Variants in VPS13C observed in about 807,000 individuals in gnomAD.
The protein encoded by VPS13C is intermembrane lipid transfer protein VPS13C.
A neutral mutation model predicts 456.8 loss-of-function variants in VPS13C; 358 were observed. The observed-to-expected ratio is 0.78, with a 90% confidence interval of 0.72 to 0.86. The LOEUF (loss-of-function observed/expected upper bound fraction) is 0.86, where lower values mean the gene tolerates loss of function less well. Ranked by LOEUF, VPS13C falls within the 40% of genes least tolerant of loss-of-function variation. The pLI, the probability that VPS13C is intolerant of heterozygous loss-of-function variation, is 0.00. For synonymous variants in VPS13C, 1,578 were observed against 1,486.7 expected (o/e 1.06, Z -1.41); for missense variants, 4,818 against 4,385.4 (o/e 1.10, Z -2.79).
At chr15:61,883,646 A>G (rs1219226290) in intron 68 of VPS13C, among the ~76,000 whole-genome samples, 3 of 152,098 alleles carry the variant, frequency 2.0e-5, no homozygotes, top group African/African-American at 7.2e-5. Context: ...GTGGATGCCT[A>G]CTCAGGTCCA....
intron 53 of VPS13C, 106 bp from the exon 54 acceptor site, chr15:61,922,868 T>A (rs140232275): frequency 0.026 from 22,894 of 897,540 alleles, 412 homozygotes; most frequent in East Asian, 0.1. Flanking sequence ...GTGACATTTT[T>A]AAATTAAATT....
chr15:62,043,915 G>A (rs1014787494), intron 2 of VPS13C, among the ~76,000 whole-genome samples: 5 of 151,990 alleles, frequency 3.3e-5, no homozygotes, highest in African/African-American at 9.7e-5. Context: ...TCAAAAATAC[G>A]TAAAGACACT....
intron 81 of VPS13C, chr15:61,865,635 T>C (rs2140856555): frequency 2.4e-6 from 1 of 419,768 alleles, no homozygotes; most frequent in East Asian, 1.6e-4. Flanking sequence ...CATATGGGTA[T>C]ATTTGTATGT....
intron 73 of VPS13C, 131 bp downstream of exon 73, chr15:61,880,478 A>T: frequency 1.7e-6 from 1 of 582,220 alleles, no homozygotes; most frequent in Non-Finnish European, 2.9e-6. Context: ...TGTCTTAATT[A>T]TTTCGATTAA....
At chr15:61,907,143 T>C in intron 66 of VPS13C, 121 bp downstream of exon 66, 1 of 1,483,562 alleles carries the variant, frequency 6.7e-7, no homozygotes, top group Admixed American at 1.7e-5. Context: ...AAAGCTACTT[T>C]TTCTGGAAAT....
At chr15:61,994,288 C>A (rs1391179270) in intron 16 of VPS13C, among the ~76,000 whole-genome samples, 1 of 152,140 alleles carries the variant, frequency 6.6e-6, no homozygotes. Flanking sequence ...GTAGCTGGTA[C>A]TAAGAATACA....
chr15:62,003,674 A>T (rs1282430501), intron 15 of VPS13C, among the ~76,000 whole-genome samples: 1 of 151,680 alleles, frequency 6.6e-6, no homozygotes. Context: ...AATAGCTCTT[A>T]TTATTTTGAG....
At position 61,973,513 on chromosome 15, in the gene VPS13C, A is replaced by G. The variant is rs1233276405; in HGVS notation, c.2558T>C (p.Ile853Thr). The change falls in exon 26 of 85, where the codon ATT becomes ACT. Residue 853 changes from isoleucine to threonine, a missense_variant. Coordinates refer to ENST00000644861, the MANE Select transcript of VPS13C (RefSeq NM_020821.3). ...AAGTAGACCTTTTGTACCACCTGAA[A>G]TAATAGGAATTGAGGATACCTAGCA... ...PERQVSSIPI[I>T]SGGTKGLLGT... 4 of 1,612,580 alleles carry G rather than the reference A, an allele frequency of 2.5e-6. No homozygotes were observed. The highest frequency in any genetic ancestry group is 1.7e-5 in the Admixed American group (1 of 59,980).
At position 61,941,830 on chromosome 15, in the gene VPS13C, C is replaced by T. The variant is rs150132757; in HGVS notation, c.5386G>A (p.Glu1796Lys). 1 of 1,613,726 alleles carries T rather than the reference C, an allele frequency of 6.2e-7. No homozygotes were observed. Among genetic ancestry groups the T allele is most frequent in the African/African-American group, 1.3e-5 (1 of 74,920 alleles). ...VENKFSLVPMEHYSLPPVIDK... is the reference protein window; with the variant it reads ...VENKFSLVPMKHYSLPPVIDK... ...ATGACTGGAGGAAGAGAATAATGTTCCATAGGAACCAAGCTAAACTTGTTT... is the reference window on the plus strand; with the variant it reads ...ATGACTGGAGGAAGAGAATAATGTTTCATAGGAACCAAGCTAAACTTGTTT... The change falls in exon 46 of 85, where the codon GAA (glutamate) becomes AAA (lysine). Residue 1796 changes from glutamate (E) to lysine (K), a missense_variant. Coordinates refer to ENST00000644861, the MANE Select transcript of VPS13C (RefSeq NM_020821.3).
At chr15:61,934,172 A>T in intron 49 of VPS13C, 47 bp downstream of exon 49, 1 of 1,322,274 alleles carries the variant, frequency 7.6e-7, no homozygotes, top group Non-Finnish European at 1.0e-6. Context: ...AAAACTGACT[A>T]TCAAGAGCTA....
intron 28 of VPS13C, among the ~76,000 whole-genome samples, chr15:61,968,345 T>C (rs1004481217): frequency 6.6e-6 from 1 of 152,034 alleles, no homozygotes; most frequent in African/African-American, 2.4e-5. Flanking sequence ...AACAACTCTT[T>C]TACATTTACA....
rs1248986856 is a variant in VPS13C, at chr15:61,983,822, C to T, written c.1912G>A (p.Ala638Thr). The change falls in exon 20 of 85, where the codon GCT becomes ACT. Residue 638 changes from alanine (A) to threonine (T), a missense_variant and splice_region_variant. Around this residue, in one of 3 missense-constraint regions of VPS13C, gnomAD observed 4,552 missense variants for 4,130.6 expected, o/e 1.10. Coordinates refer to ENST00000644861, the MANE Select transcript of VPS13C (RefSeq NM_020821.3). ...AGTTACTTTCTCCTTGCACTTACAG[C>T]ATCATAGATGACCTCCACAGGCTGG... ...QSQPVEVIYD[A>T]KTVNAVVEFF... 3 of 1,613,498 alleles carry T rather than the reference C, an allele frequency of 1.9e-6. No individual in the cohort carries two copies. The highest frequency in any genetic ancestry group is 1.1e-5 in the South Asian group (1 of 90,728).
rs71125960 is a variant in VPS13C, at chr15:61,980,183, CAAAAAAAAAAAAAA to C, written c.2166+1145_2166+1158del. ...TGGGTGACAGAGCAAGACCCCATCT[CAAAAAAAAAAAAAA>C]AAAAAAAAAAAAAAAAGAGAGAGAG... On this transcript the variant is annotated intron_variant, in intron 22 of 84. Transcript: ENST00000644861. 6.6e-4 allele frequency among the ~76,000 whole-genome samples: 30 copies of C among 45,264 alleles called. 2 individuals carry two copies. Among genetic ancestry groups the C allele is most frequent in the Admixed American group, 6.0e-3 (17 of 2,836 alleles). 29.7% of individuals were successfully genotyped at this position (45,264 alleles called of 152,430 possible).
At chr15:61,861,020 G>C (rs950512154) in intron 82 of VPS13C, among the ~76,000 whole-genome samples, 1 of 140,738 alleles carries the variant, frequency 7.1e-6, no homozygotes, top group Non-Finnish European at 1.5e-5. Flanking sequence ...GGAGTGCAGT[G>C]GCACAATCTC....
At chr15:61,871,799 A>AAGC (rs1413371445) in intron 79 of VPS13C, among the ~76,000 whole-genome samples, 190 bp downstream of exon 79, 3 of 152,200 alleles carry the variant, frequency 2.0e-5, no homozygotes, top group Admixed American at 2.0e-4. Context: ...TCAAAGTCTG[A>AAGC]AGCATGATCT....
At chr15:61,936,220 C>T (rs1273255232) in intron 48 of VPS13C, among the ~76,000 whole-genome samples, 2 of 152,164 alleles carry the variant, frequency 1.3e-5, no homozygotes, top group African/African-American at 2.4e-5. Flanking sequence ...GAATACCTTC[C>T]TTTCTCATGG....
At chr15:61,863,694 GT>G (rs1894352923) in intron 81 of VPS13C, 166 bp from the exon 82 acceptor site, 3 of 445,486 alleles carry the variant, frequency 6.7e-6, no homozygotes, top group African/African-American at 4.1e-5. Context: ...TTCACAGCAT[GT>G]TTGTAAGTTA....
At chr15:61,951,182 C>A (rs1252475275) in intron 39 of VPS13C, among the ~76,000 whole-genome samples, 158 bp from the exon 40 acceptor site, 1 of 151,730 alleles carries the variant, frequency 6.6e-6, no homozygotes, top group Non-Finnish European at 1.5e-5. Flanking sequence ...CCTCAATAAA[C>A]CTGGCTTTGA....
chr15:62,060,240 C>A (rs371316204), intron 1 of VPS13C, 35 bp downstream of exon 1: 2 of 1,336,574 alleles, frequency 1.5e-6, no homozygotes, highest in African/African-American at 2.9e-5. Flanking sequence ...GGGCCCTCAG[C>A]GCCCGCAGCC....
Sources: allele counts gnomAD v4.1 joint callset (sites outside exome capture counted in the v4.1 genomes callset), GRCh38; gene constraint gnomAD v4.1.1; regional missense constraint gnomAD v4.1.1; transcripts MANE v1.5; gene names NCBI Gene and HGNC (gene_info 2026-07-23, HGNC 2026-07-21).